WDR17: variants seen among roughly 807,000 people sequenced by gnomAD.
WDR17 encodes WD repeat-containing protein 17.
WDR17 carries 143 observed loss-of-function variants against 161.7 expected under a neutral mutation model. The observed-to-expected ratio is 0.88, with a 90% CI of 0.77 to 1.02. The LOEUF is 1.02. WDR17 is among the 50% of genes least tolerant of loss of function. The pLI, the probability that WDR17 is intolerant of heterozygous loss-of-function variation, is 0.00. For synonymous variants in WDR17, 517 were observed against 515.6 expected, an observed-to-expected ratio of 1.00 and a Z score of -0.04; for missense variants, 1,469 against 1,520.9, an observed-to-expected ratio of 0.97 and a Z score of 0.57.
intron 5 of WDR17, among the ~76,000 whole-genome samples, chr4:176,126,557 T>C (rs1419930652): frequency 6.6e-6 from 1 of 152,184 alleles, no homozygotes; most frequent in Non-Finnish European, 1.5e-5. Flanking sequence ...GAATGATAAA[T>C]GTTAGGGGAA....
intron 1 of WDR17, among the ~76,000 whole-genome samples, chr4:176,076,280 T>G (rs1265513257): frequency 1.4e-5 from 2 of 147,474 alleles, no homozygotes; most frequent in African/African-American, 5.0e-5. Context: ...TATATATACA[T>G]GTAAGCAAAA....
At position 176,180,792 on chromosome 4, in the gene WDR17, T is replaced by C. The variant is rs1200836953; in HGVS notation, c.*1213T>C. The C allele has an allele frequency of 6.6e-6, 1 of 152,204 alleles. No individual in the cohort carries two copies. The highest frequency in any genetic ancestry group is 1.5e-5 in the Non-Finnish European group (1 of 68,030). The allele number at this position is 152,204 out of a possible 1,614,324, so 9.4% of individuals were successfully genotyped here. ...TGTTTGTAAATAGATATTGGTTGAA[T>C]TTTTGGATATATTATGTTGATTTAA... On this transcript the variant is annotated 3_prime_UTR_variant, in exon 29 of 29. Coordinates refer to ENST00000508596, the MANE Select transcript of WDR17 (RefSeq NM_181265.4).
At chr4:176,163,109 C>G in intron 21 of WDR17, 45 bp from the exon 22 acceptor site, 1 of 1,613,204 alleles carries the variant, frequency 6.2e-7, no homozygotes, top group Middle Eastern at 1.6e-4. Context: ...GATGATCCTA[C>G]CCAGCTTCTA....
chr4:176,080,269 A>G (rs1162938570), intron 1 of WDR17, among the ~76,000 whole-genome samples: 3 of 151,990 alleles, frequency 2.0e-5, no homozygotes, highest in African/African-American at 7.2e-5. Context: ...AGGAAATTAT[A>G]AATATGAATT....
intron 20 of WDR17, among the ~76,000 whole-genome samples, chr4:176,161,552 T>C (rs534811395): frequency 3.5e-4 from 54 of 152,266 alleles, no homozygotes; most frequent in African/African-American, 1.3e-3. Flanking sequence ...TTTGCTCCTA[T>C]TATTAAGCTA....
At chr4:176,145,544 C>T (rs1033964657) in intron 11 of WDR17, among the ~76,000 whole-genome samples, 1 of 152,118 alleles carries the variant, frequency 6.6e-6, no homozygotes, top group African/African-American at 2.4e-5. Context: ...ACCCATGCCA[C>T]AAAAACAATC....
At chr4:176,100,903 G>C (rs1176603113) in intron 1 of WDR17, among the ~76,000 whole-genome samples, 1 of 151,834 alleles carries the variant, frequency 6.6e-6, no homozygotes, top group East Asian at 1.9e-4. Flanking sequence ...GTAGATATGT[G>C]GCTTTATTTC....
intron 11 of WDR17, among the ~76,000 whole-genome samples, chr4:176,145,178 T>C (rs1037660571): frequency 6.6e-6 from 1 of 152,246 alleles, no homozygotes; most frequent in Non-Finnish European, 1.5e-5. Flanking sequence ...AGACTGTTTA[T>C]AATGATGGTT....
At chr4:176,131,457 A>T in intron 6 of WDR17, 97 bp from the exon 7 acceptor site, 1 of 1,215,424 alleles carries the variant, frequency 8.2e-7, no homozygotes, top group Non-Finnish European at 1.1e-6. Flanking sequence ...TAAATGGTTT[A>T]CTGGTACAGA....
chr4:176,148,313 T>C lies in WDR17; in HGVS notation c.1875T>C (p.Tyr625=). ...AAGGAACTTGTGTGGATACTGTGTA[T>C]GATCACGGTGCAGATGTATATGGTA... ...TREGTCVDTV[Y]DHGADVYGLT... The change falls in exon 13 of 29, where the codon TAT becomes TAC. Residue 625 remains tyrosine, a synonymous_variant. Coordinates refer to ENST00000508596, the MANE Select transcript of WDR17 (RefSeq NM_181265.4). 6.2e-7 allele frequency: 1 copy of C among 1,612,320 alleles called. No individual in the cohort carries two copies. Among genetic ancestry groups the C allele is most frequent in the Non-Finnish European group, 8.5e-7 (1 of 1,179,302 alleles).
rs1229951392 is a variant in WDR17 at position 176,148,303 on chromosome 4, A to G, written c.1865A>G (p.Asp622Gly). 9.3e-6 allele frequency: 15 copies of G among 1,613,992 alleles called. No individual in the cohort carries two copies. Among genetic ancestry groups the G allele is most frequent in the African/African-American group, 1.3e-5 (1 of 75,048 alleles). ...VWDTREGTCVDTVYDHGADVY... is the reference protein window; with the variant it reads ...VWDTREGTCVGTVYDHGADVY... ...GACACTCGAGAAGGAACTTGTGTGG[A>G]TACTGTGTATGATCACGGTGCAGAT... The change falls in exon 13 of 29, where the codon GAT becomes GGT. Residue 622 changes from aspartate (D) to glycine (G), a missense_variant. By Grantham distance (94) the Asp-to-Gly change is moderately conservative. Coordinates refer to ENST00000508596, the MANE Select transcript of WDR17 (RefSeq NM_181265.4).
At chr4:176,093,057 GA>G (rs1437108705) in intron 1 of WDR17, among the ~76,000 whole-genome samples, 1 of 151,562 alleles carries the variant, frequency 6.6e-6, no homozygotes, top group Non-Finnish European at 1.5e-5. Context: ...AAAAAAGAAA[GA>G]AAAGAAAAGA....
At chr4:176,170,578 G>T (rs1041011823) in intron 23 of WDR17, among the ~76,000 whole-genome samples, 11 of 152,062 alleles carry the variant, frequency 7.2e-5, no homozygotes, top group Non-Finnish European at 1.5e-4. Context: ...GCCTCCCAAA[G>T]TGTTGGCATT....
At position 176,141,685 on chromosome 4, in the gene WDR17, G is replaced by A. The variant is rs141039470; in HGVS notation, c.1443-298G>A. ...TGACCTCAAGTGATCCACCCGCCTC[G>A]ACCTCCCCAAGTGCTGGGATTATAG... On this transcript the variant is annotated intron_variant, in intron 10 of 28. Transcript: ENST00000508596. 4.0e-3 allele frequency among the ~76,000 whole-genome samples: 616 copies of A among 152,142 alleles called. 3 individuals are homozygous for A. Among genetic ancestry groups the A allele is most frequent in the African/African-American group, 0.014 (594 of 41,522 alleles).
chr4:176,066,535 G>C (rs191935165), intron 1 of WDR17, among the ~76,000 whole-genome samples: 2 of 152,046 alleles, frequency 1.3e-5, no homozygotes, highest in African/African-American at 4.8e-5. Flanking sequence ...GAAAAAAGAC[G>C]GTATTGGATA....
chr4:176,099,857 C>A (rs567534430), intron 1 of WDR17, among the ~76,000 whole-genome samples: 1 of 152,162 alleles, frequency 6.6e-6, no homozygotes, highest in East Asian at 1.9e-4. Flanking sequence ...ACTCTCTGTG[C>A]ATGGCTTGTT....
chr4:176,103,794 T>C (rs1458541027), intron 1 of WDR17, among the ~76,000 whole-genome samples: 1 of 151,904 alleles, frequency 6.6e-6, no homozygotes, highest in African/African-American at 2.4e-5. Flanking sequence ...CCCACCAATA[T>C]GCACTCATGT....
intron 1 of WDR17, among the ~76,000 whole-genome samples, chr4:176,090,370 A>G (rs1735969941): frequency 6.6e-6 from 1 of 151,880 alleles, no homozygotes; most frequent in African/African-American, 2.4e-5. Context: ...AGTGGAAGTA[A>G]TCTGAGGCCC....
At chr4:176,103,834 G>T (rs1047901185) in intron 1 of WDR17, among the ~76,000 whole-genome samples, 2 of 151,372 alleles carry the variant, frequency 1.3e-5, no homozygotes, top group Non-Finnish European at 2.9e-5. Context: ...AGAGAGAGAT[G>T]GAAGAGAAGA....
Sources: allele counts gnomAD v4.1 joint callset (sites outside exome capture counted in the v4.1 genomes callset), GRCh38; gene constraint gnomAD v4.1.1; transcripts MANE v1.5; gene names NCBI Gene and HGNC (gene_info 2026-07-23, HGNC 2026-07-21).